Variants in GRIA3 observed in about 807,000 individuals in gnomAD.
GRIA3 encodes the protein glutamate receptor 3.
In GRIA3, 3 loss-of-function variants were observed where a neutral mutation model predicts 63.0. That is an observed-to-expected ratio of 0.05 (90% CI 0.02 to 0.12). The LOEUF (loss-of-function observed/expected upper bound fraction) is 0.12. GRIA3 is among the 10% of genes least tolerant of loss of function. GRIA3 has a pLI of 1.00. For synonymous variants in GRIA3, 274 were observed against 257.9 expected, an observed-to-expected ratio of 1.06 and a Z score of -0.60; for missense variants, 347 against 700.9, an observed-to-expected ratio of 0.50 and a Z score of 5.70.
At chrX:123,444,753 T>G (rs2045694259) in intron 12 of GRIA3, among the ~76,000 whole-genome samples, 1 of 111,338 alleles carries the variant, frequency 9.0e-6, no homozygotes, top group Non-Finnish European at 1.9e-5. Flanking sequence ...GTGCTAGCTC[T>G]TAGGCCTAAA....
At position 123,483,026 on chromosome X, in the gene GRIA3, A is replaced by C. The variant is rs1344327396; in HGVS notation, c.2667A>C (p.Thr889=). The C allele has an allele frequency of 8.3e-7, 1 of 1,202,483 alleles. No homozygotes were observed. The highest frequency in any genetic ancestry group is 1.1e-6 in the Non-Finnish European group (1 of 888,335). The change falls in exon 15 of 16, where the codon ACA becomes ACC. Residue 889 remains threonine, a synonymous_variant. Coordinates refer to ENST00000620443, the MANE Select transcript of GRIA3 (RefSeq NM_007325.5). ...GAGAAGGCTACAACGTGTATGGAAC[A>C]GAGAGTGTTAAGATCTAGGGGTACG... is the stretch of plus-strand genomic sequence containing the variant. ...TYREGYNVYG[T]ESVKI
At chrX:123,466,255 T>C (rs1033421206) in intron 13 of GRIA3, among the ~76,000 whole-genome samples, 4 of 111,834 alleles carry the variant, frequency 3.6e-5, no homozygotes, top group Admixed American at 2.9e-4. Flanking sequence ...TCTTCAATTA[T>C]GTGTCTGAGT....
intron 3 of GRIA3, among the ~76,000 whole-genome samples, chrX:123,256,387 A>T (rs1238667050): frequency 8.9e-6 from 1 of 112,042 alleles, no homozygotes; most frequent in East Asian, 2.8e-4. Context: ...AAAAAAATAG[A>T]CAGATAATAA....
At chrX:123,400,476 G>A (rs2045438495) in intron 7 of GRIA3, among the ~76,000 whole-genome samples, 1 of 112,067 alleles carries the variant, frequency 8.9e-6, no homozygotes, top group Non-Finnish European at 1.9e-5. Context: ...AGGCTAGTCT[G>A]AAGTACTAAA....
intron 13 of GRIA3, among the ~76,000 whole-genome samples, chrX:123,466,420 C>CAA (rs1318468956): frequency 1.8e-5 from 2 of 111,939 alleles, no homozygotes; most frequent in Non-Finnish European, 3.8e-5. Flanking sequence ...TGTATTTAAG[C>CAA]AAGTGCGTCG....
At chrX:123,215,716 GA>G (rs1928141719) in intron 2 of GRIA3, among the ~76,000 whole-genome samples, 1 of 111,870 alleles carries the variant, frequency 8.9e-6, no homozygotes, top group Non-Finnish European at 1.9e-5. Flanking sequence ...TAGTGTGTCA[GA>G]AAATGGGAAC....
chrX:123,201,884 A>C (rs1294498196), intron 2 of GRIA3, among the ~76,000 whole-genome samples: 2 of 111,815 alleles, frequency 1.8e-5, no homozygotes, highest in Non-Finnish European at 3.8e-5. Flanking sequence ...GGGAGGATTC[A>C]GTCAGGGCGA....
At chrX:123,337,515 G>A (rs1259644878) in intron 4 of GRIA3, among the ~76,000 whole-genome samples, 2 of 111,821 alleles carry the variant, frequency 1.8e-5, no homozygotes, top group African/African-American at 6.5e-5. Flanking sequence ...TGGGGACACA[G>A]AAAAAGGATA....
chrX:123,484,647 A>T (rs1181806043), intron 15 of GRIA3, among the ~76,000 whole-genome samples: 1 of 110,054 alleles, frequency 9.1e-6, no homozygotes, highest in East Asian at 2.9e-4. Context: ...TGCCCAGCTA[A>T]TTTTTTTCTA....
chrX:123,408,420 C>T (rs2045487433), intron 10 of GRIA3, among the ~76,000 whole-genome samples: 1 of 112,139 alleles, frequency 8.9e-6, no homozygotes, highest in Non-Finnish European at 1.9e-5. Context: ...CACACAGTGA[C>T]ATAGAGCAAG....
chrX:123,301,415 T>C (rs1299586973), intron 3 of GRIA3, among the ~76,000 whole-genome samples: 1 of 111,492 alleles, frequency 9.0e-6, no homozygotes, highest in Non-Finnish European at 1.9e-5. Flanking sequence ...TTTACTGTTA[T>C]GGAAAGACCT....
chrX:123,458,825 T>C (rs899123359), intron 12 of GRIA3, among the ~76,000 whole-genome samples: 4 of 111,709 alleles, frequency 3.6e-5, no homozygotes, highest in African/African-American at 3.2e-5. Flanking sequence ...TAAAATCCAA[T>C]TTCAAATGAT....
At chrX:123,287,549 T>A (rs1417966749) in intron 3 of GRIA3, among the ~76,000 whole-genome samples, 6 of 112,219 alleles carry the variant, frequency 5.3e-5, no homozygotes, top group African/African-American at 1.9e-4. Flanking sequence ...CTTAAGCTGA[T>A]AAGCAACTTC....
chrX:123,371,855 T>C (rs1451545326), intron 5 of GRIA3, among the ~76,000 whole-genome samples: 1 of 111,613 alleles, frequency 9.0e-6, no homozygotes, highest in African/African-American at 3.3e-5. Context: ...TTGTTTCCTT[T>C]GCTGTGCAGA....
At position 123,490,792 on chromosome X, in the gene GRIA3, C is replaced by A. The variant is rs755161311; in HGVS notation, c.*2082C>A. ...TGTACTTCAGTGAACAGAAAAATTG[C>A]CAAGCAAACTAATGGCTATAAAAGC... On this transcript the variant is annotated 3_prime_UTR_variant, in exon 16 of 16. Transcript: ENST00000620443. 1 of 111,982 alleles carries A rather than the reference C, an allele frequency of 8.9e-6. No homozygotes were observed. The highest frequency in any genetic ancestry group is 1.9e-5 in the Non-Finnish European group (1 of 53,133). 9.2% of individuals were successfully genotyped at this position (111,982 alleles called of 1,213,427 possible).
intron 2 of GRIA3, among the ~76,000 whole-genome samples, chrX:123,194,048 T>C (rs1413609334): frequency 2.7e-5 from 3 of 111,414 alleles, no homozygotes; most frequent in African/African-American, 9.8e-5. Flanking sequence ...CTTTATTCAC[T>C]AAGATTTTAG....
chrX:123,246,797 T>C (rs2044361723), intron 2 of GRIA3, among the ~76,000 whole-genome samples: 1 of 107,382 alleles, frequency 9.3e-6, no homozygotes, highest in African/African-American at 3.4e-5. Flanking sequence ...TCATCATTTA[T>C]CATCAACATC....
chrX:123,457,773 A>C (rs2045769856), intron 12 of GRIA3, among the ~76,000 whole-genome samples: 1 of 111,987 alleles, frequency 8.9e-6, no homozygotes, highest in South Asian at 3.8e-4. Context: ...CACTATCAAC[A>C]TATGGGAAAG....
intron 3 of GRIA3, among the ~76,000 whole-genome samples, chrX:123,256,376 G>A (rs1454916522): frequency 8.9e-6 from 1 of 111,732 alleles, no homozygotes; most frequent in Non-Finnish European, 1.9e-5. Flanking sequence ...TGCTATGAAG[G>A]AAAAAAATAG....
Sources: gnomAD v4.1 joint callset for allele counts (sites outside exome capture counted in the v4.1 genomes callset) on GRCh38, gnomAD v4.1.1 for gene constraint, MANE v1.5 for transcripts, NCBI Gene and HGNC (gene_info 2026-07-23, HGNC 2026-07-21) for gene names.